Variants in CLSTN2 observed in about 807,000 individuals in gnomAD.
The protein encoded by CLSTN2 is calsyntenin-2.
CLSTN2 carries 48 observed loss-of-function variants against 101.2 expected under a neutral mutation model. The observed-to-expected ratio is 0.47, with a 90% CI of 0.38 to 0.60. The LOEUF (loss-of-function observed/expected upper bound fraction) is 0.60. Among genes scored for constraint, CLSTN2 ranks in the 20% least tolerant of loss-of-function variants. The pLI, the probability that CLSTN2 is intolerant of heterozygous loss-of-function variation, is 0.00. For missense variants in CLSTN2, 1,160 were observed against 1,238.2 expected, an observed-to-expected ratio of 0.94 and a Z score of 0.95; for synonymous variants, 481 against 463.6, an observed-to-expected ratio of 1.04 and a Z score of -0.48.
rs552003601 is a variant in CLSTN2 at position 140,158,984 on chromosome 3, A to G, written c.110-16967A>G. Among the ~76,000 whole-genome samples, 85 of 152,322 alleles carry G rather than the reference A, an allele frequency of 5.6e-4. No individual in the cohort carries two copies. In the South Asian group the frequency reaches 0.017, roughly 30 times the overall value. On this transcript the variant is annotated intron_variant, in intron 1 of 16. Coordinates refer to ENST00000458420, the MANE Select transcript of CLSTN2 (RefSeq NM_022131.3). ...GGATAATTGGCTAGTAATATACAGAAGAATGAAACTGGACCCCTACCTTTT... is the reference window on the plus strand; with the variant it reads ...GGATAATTGGCTAGTAATATACAGAGGAATGAAACTGGACCCCTACCTTTT...
At chr3:140,237,691 T>C (rs2086429467) in intron 2 of CLSTN2, among the ~76,000 whole-genome samples, 1 of 152,200 alleles carries the variant, frequency 6.6e-6, no homozygotes, top group African/African-American at 2.4e-5. Flanking sequence ...TCTTCAGAGA[T>C]CATTATTTTT....
chr3:140,338,241 C>A (rs888272775), intron 2 of CLSTN2, among the ~76,000 whole-genome samples: 3 of 152,156 alleles, frequency 2.0e-5, no homozygotes, highest in South Asian at 2.1e-4. Context: ...CTTTAAGAAA[C>A]TTAGTGATAG....
At chr3:140,227,281 G>C (rs1376863484) in intron 2 of CLSTN2, among the ~76,000 whole-genome samples, 2 of 152,062 alleles carry the variant, frequency 1.3e-5, no homozygotes, top group African/African-American at 4.8e-5. Flanking sequence ...AAAACAAAGG[G>C]GCTACAGGCT....
intron 2 of CLSTN2, among the ~76,000 whole-genome samples, chr3:140,386,622 G>A (rs79710392): frequency 0.058 from 8,807 of 152,166 alleles, 614 homozygotes; most frequent in African/African-American, 0.17. Context: ...CTCTCTGGGT[G>A]TGAGAACAAG....
intron 1 of CLSTN2, among the ~76,000 whole-genome samples, chr3:140,047,608 C>G (rs1445031342): frequency 6.6e-6 from 1 of 152,142 alleles, no homozygotes; most frequent in East Asian, 1.9e-4. Context: ...GTTATAGAAG[C>G]TGAGAAGCCC....
intron 2 of CLSTN2, among the ~76,000 whole-genome samples, chr3:140,256,076 G>T (rs1309303625): frequency 6.6e-6 from 1 of 152,190 alleles, no homozygotes; most frequent in African/African-American, 2.4e-5. Flanking sequence ...TGAGGGTCAT[G>T]GATAGTGTGA....
intron 1 of CLSTN2, among the ~76,000 whole-genome samples, chr3:140,069,994 A>T (rs1390561551): frequency 6.6e-6 from 1 of 152,226 alleles, no homozygotes. Context: ...TTTAGCCTTC[A>T]GGTAGCACTG....
At chr3:140,230,791 C>T (rs927391856) in intron 2 of CLSTN2, among the ~76,000 whole-genome samples, 1 of 152,180 alleles carries the variant, frequency 6.6e-6, no homozygotes, top group Non-Finnish European at 1.5e-5. Flanking sequence ...TAAGACACCA[C>T]CTTTGGACAT....
intron 2 of CLSTN2, among the ~76,000 whole-genome samples, chr3:140,325,021 G>T (rs2087318192): frequency 6.6e-6 from 1 of 152,160 alleles, no homozygotes; most frequent in Non-Finnish European, 1.5e-5. Flanking sequence ...ATTAAGAGAA[G>T]ATTTGTTTTG....
At position 140,222,790 on chromosome 3, in the gene CLSTN2, T is replaced by A. The variant is rs192109929; in HGVS notation, c.232+46717T>A. Reference sequence around the variant, plus strand: ...ACCCTGATGTGATTATTACACATTATATGCCTGTATCAAAATATGTCATGT... The same window carrying A: ...ACCCTGATGTGATTATTACACATTAAATGCCTGTATCAAAATATGTCATGT... On this transcript the variant is annotated intron_variant, in intron 2 of 16. Coordinates refer to ENST00000458420, the MANE Select transcript of CLSTN2 (RefSeq NM_022131.3). Among the ~76,000 whole-genome samples, 728 of 151,648 alleles carry A rather than the reference T, an allele frequency of 4.8e-3. 4 individuals are homozygous for A. Among genetic ancestry groups the A allele is most frequent in the Non-Finnish European group, 7.1e-3 (483 of 67,976 alleles).
intron 1 of CLSTN2, among the ~76,000 whole-genome samples, chr3:140,079,429 T>A (rs2008547769): frequency 6.6e-6 from 1 of 152,116 alleles, no homozygotes; most frequent in African/African-American, 2.4e-5. Flanking sequence ...TGTGGTAGGA[T>A]CATGTACTAT....
chr3:140,397,402 A>G, intron 2 of CLSTN2, among the ~76,000 whole-genome samples: 1 of 152,216 alleles, frequency 6.6e-6, no homozygotes, highest in Admixed American at 6.5e-5. Context: ...ATAATTTCTT[A>G]AAGATTAGGT....
intron 1 of CLSTN2, among the ~76,000 whole-genome samples, chr3:140,159,959 G>C (rs2010019565): frequency 6.6e-6 from 1 of 151,968 alleles, no homozygotes; most frequent in Non-Finnish European, 1.5e-5. Context: ...CTAAACATTG[G>C]GTACTCATGG....
intron 1 of CLSTN2, among the ~76,000 whole-genome samples, chr3:139,956,570 A>G (rs1207602077): frequency 2.0e-5 from 3 of 152,216 alleles, no homozygotes; most frequent in Non-Finnish European, 4.4e-5. Flanking sequence ...GAGGTCTACT[A>G]AAGGGATGTT....
chr3:140,160,891 A>C (rs1010929102), intron 1 of CLSTN2, among the ~76,000 whole-genome samples: 2 of 152,308 alleles, frequency 1.3e-5, no homozygotes, highest in African/African-American at 4.8e-5. Context: ...AATGATTTTC[A>C]TAAAAGTACT....
intron 8 of CLSTN2, among the ~76,000 whole-genome samples, chr3:140,516,562 C>T (rs55726200): frequency 0.11 from 15,061 of 134,840 alleles, 948 homozygotes; most frequent in Non-Finnish European, 0.16. Flanking sequence ...TTTTTTTTTT[C>T]TTTTTGTCTG....
rs868779997 is a variant in CLSTN2, at chr3:140,427,872, C to G, written c.787+6598C>G. 4.6e-5 allele frequency among the ~76,000 whole-genome samples: 7 copies of G among 152,218 alleles called. No homozygotes were observed. The South Asian group carries it at 1.0e-3, about 23-fold the overall frequency. On this transcript the variant is annotated intron_variant, in intron 5 of 16. Transcript: ENST00000458420. Reference sequence around the variant, plus strand: ...ATCACCTGAGCACTATACAGTGAACCCAGTTTGGTCTTCTTAGTGTTTCCC... The same window carrying G: ...ATCACCTGAGCACTATACAGTGAACGCAGTTTGGTCTTCTTAGTGTTTCCC...
chr3:140,054,294 G>C (rs758313097), intron 1 of CLSTN2, among the ~76,000 whole-genome samples: 2 of 152,070 alleles, frequency 1.3e-5, no homozygotes, highest in East Asian at 1.9e-4. Context: ...TTTAAGATGC[G>C]TTTGCTTAAC....
At chr3:140,471,492 G>C in intron 8 of CLSTN2, among the ~76,000 whole-genome samples, 1 of 152,248 alleles carries the variant, frequency 6.6e-6, no homozygotes, top group East Asian at 1.9e-4. Context: ...TGCAAATGTC[G>C]GATTCATTCA....
Sources: gnomAD v4.1 joint callset for allele counts (sites outside exome capture counted in the v4.1 genomes callset) on GRCh38, gnomAD v4.1.1 for gene constraint, MANE v1.5 for transcripts, NCBI Gene and HGNC (gene_info 2026-07-23, HGNC 2026-07-21) for gene names.